Variants in YAP1 observed in about 807,000 individuals in gnomAD.
The protein encoded by YAP1 is transcriptional coactivator YAP1.
A neutral mutation model predicts 56.9 loss-of-function variants in YAP1; 5 were observed. That is an observed-to-expected ratio of 0.09 (90% confidence interval 0.05 to 0.18). YAP1 has a LOEUF of 0.18. Among genes scored for constraint, YAP1 ranks in the 10% least tolerant of loss-of-function variants. The pLI is 1.00. For missense variants in YAP1, 539 were observed against 651.8 expected (o/e 0.83, Z 1.88); for synonymous variants, 265 against 248.1 (o/e 1.07, Z -0.64).
At chr11:102,155,467 T>C (rs748604001) in intron 2 of YAP1, among the ~76,000 whole-genome samples, 5 of 152,222 alleles carry the variant, frequency 3.3e-5, no homozygotes, top group Non-Finnish European at 7.3e-5. Context: ...AGACATTCTG[T>C]AGTGTTACCA....
intron 2 of YAP1, among the ~76,000 whole-genome samples, chr11:102,136,986 G>T (rs992620431): frequency 1.3e-5 from 2 of 152,202 alleles, no homozygotes; most frequent in South Asian, 4.1e-4. Flanking sequence ...GAATTGGCTT[G>T]TAAAGTTCCG....
At position 102,121,812 on chromosome 11, in the gene YAP1, T is replaced by G. The variant is rs111434238; in HGVS notation, c.572+7418T>G. On this transcript the variant is annotated intron_variant, in intron 2 of 8. Coordinates refer to ENST00000282441, the MANE Select transcript of YAP1 (RefSeq NM_001130145.3). ...TATTTTTTTGTATTTGTTTGGTTTATTTTGAGACAGTCTTAACTCTGTCAC... is the reference window on the plus strand; with the variant it reads ...TATTTTTTTGTATTTGTTTGGTTTAGTTTGAGACAGTCTTAACTCTGTCAC... 3.0e-4 allele frequency among the ~76,000 whole-genome samples: 45 copies of G among 152,298 alleles called. 1 individual carries two copies. The highest frequency in any genetic ancestry group is 1.0e-3 in the African/African-American group (43 of 41,554).
chr11:102,183,180 A>G (rs953973751), intron 3 of YAP1, among the ~76,000 whole-genome samples: 5 of 152,228 alleles, frequency 3.3e-5, no homozygotes, highest in African/African-American at 7.2e-5. Flanking sequence ...AAGAAGTGAC[A>G]TCTGAGCTGT....
chr11:102,161,889 T>C (rs1380610910), intron 2 of YAP1, among the ~76,000 whole-genome samples: 21 of 152,214 alleles, frequency 1.4e-4, no homozygotes, highest in Admixed American at 1.4e-3. Flanking sequence ...TCAGCAAACA[T>C]CAAAGGGCTT....
chr11:102,145,217 G>A (rs1335134676), intron 2 of YAP1, among the ~76,000 whole-genome samples: 1 of 152,152 alleles, frequency 6.6e-6, no homozygotes, highest in African/African-American at 2.4e-5. Context: ...CTTTTCCTAA[G>A]AATAGAAGTG....
At chr11:102,229,579 G>A (rs1238643058) in intron 8 of YAP1, 123 bp from the exon 9 acceptor site, 5 of 778,180 alleles carry the variant, frequency 6.4e-6, no homozygotes, top group Non-Finnish European at 1.0e-5. Context: ...ATAAATTCTA[G>A]GTATCAGTTT....
chr11:102,149,977 C>CTTTT (rs386374692), intron 2 of YAP1, among the ~76,000 whole-genome samples: 12 of 50,336 alleles, frequency 2.4e-4, no homozygotes, highest in African/African-American at 8.2e-4. Context: ...GAGTAGTGTG[C>CTTTT]TTTTTTTTTT....
chr11:102,153,306 G>A (rs1235017436), intron 2 of YAP1, among the ~76,000 whole-genome samples: 3 of 152,264 alleles, frequency 2.0e-5, no homozygotes, highest in Admixed American at 1.3e-4. Flanking sequence ...AGATATGAGT[G>A]ATTCACAGAT....
intron 2 of YAP1, among the ~76,000 whole-genome samples, chr11:102,134,027 A>G (rs1479676945): frequency 6.6e-6 from 1 of 152,158 alleles, no homozygotes; most frequent in Non-Finnish European, 1.5e-5. Flanking sequence ...CACTCTCATG[A>G]CCTGATCTAA....
chr11:102,126,116 C>T (rs1944022537), intron 2 of YAP1, among the ~76,000 whole-genome samples: 1 of 151,858 alleles, frequency 6.6e-6, no homozygotes, highest in South Asian at 2.1e-4. Context: ...TCGATTTCCT[C>T]CTTGGGCCAA....
intron 2 of YAP1, among the ~76,000 whole-genome samples, chr11:102,127,261 A>T (rs1214877461): frequency 3.3e-5 from 5 of 152,174 alleles, no homozygotes; most frequent in Non-Finnish European, 5.9e-5. Flanking sequence ...AGAGACTTTC[A>T]CGTCAGCCCC....
chr11:102,140,748 C>G (rs1268436198), intron 2 of YAP1, among the ~76,000 whole-genome samples: 1 of 151,868 alleles, frequency 6.6e-6, no homozygotes, highest in East Asian at 1.9e-4. Context: ...GAGGGTGAGG[C>G]AGGAGAATCA....
intron 4 of YAP1, among the ~76,000 whole-genome samples, chr11:102,196,318 T>C (rs1000992942): frequency 1.8e-4 from 27 of 152,278 alleles, no homozygotes; most frequent in Non-Finnish European, 2.9e-5. Context: ...ATAACCCAAA[T>C]GTCCATTAGT....
intron 2 of YAP1, among the ~76,000 whole-genome samples, chr11:102,153,216 A>G (rs907974758): frequency 1.3e-5 from 2 of 152,078 alleles, no homozygotes; most frequent in African/African-American, 4.8e-5. Context: ...CCCTTAAGCC[A>G]TTTTCATAGT....
chr11:102,226,846 A>G (rs1421218373), intron 7 of YAP1: 1 of 152,210 alleles, frequency 6.6e-6, no homozygotes. Context: ...ACACAGAAGC[A>G]AGGAGATCAA....
rs34332940 is a variant in YAP1, at chr11:102,160,018, AT to A, written c.573-2416del. Among the ~76,000 whole-genome samples the A allele has an allele frequency of 7.1e-3, 770 of 108,964 alleles. 4 individuals are homozygous for A. The highest frequency in any genetic ancestry group is 0.031 in the Middle Eastern group (5 of 160). 71.5% of individuals were successfully genotyped at this position (108,964 alleles called of 152,430 possible). On this transcript the variant is annotated intron_variant, in intron 2 of 8. Transcript: ENST00000282441. ...TGACAAAACCTGATTTACATAAAGGATTTTTTTTTTTTTTTTTTTTTTGAGC... is the reference window on the plus strand; with the variant it reads ...TGACAAAACCTGATTTACATAAAGGATTTTTTTTTTTTTTTTTTTTTGAGC...
At chr11:102,187,706 C>G (rs1357219899) in intron 4 of YAP1, among the ~76,000 whole-genome samples, 2 of 152,028 alleles carry the variant, frequency 1.3e-5, no homozygotes, top group African/African-American at 4.8e-5. Context: ...TCCTTTAAAA[C>G]AGTGAAATAA....
chr11:102,127,606 A>G (rs1333455622), intron 2 of YAP1, among the ~76,000 whole-genome samples: 1 of 152,212 alleles, frequency 6.6e-6, no homozygotes, highest in Non-Finnish European at 1.5e-5. Context: ...CTGCTAGGGC[A>G]GTGCAGAAGG....
rs181346082 is a variant in YAP1, at chr11:102,140,714, G to A, written c.573-21742G>A. 3.5e-4 allele frequency among the ~76,000 whole-genome samples: 54 copies of A among 152,118 alleles called. 1 individual carries two copies. The highest frequency in any genetic ancestry group is 5.4e-4 in the Non-Finnish European group (37 of 68,002). Reference sequence around the variant, plus strand: ...AAAAATTAGCCGGGCGTGGTTGTGCGCACCTGTAATCCTAGCTACTTGGGA... The same window carrying A: ...AAAAATTAGCCGGGCGTGGTTGTGCACACCTGTAATCCTAGCTACTTGGGA... On this transcript the variant is annotated intron_variant, in intron 2 of 8. Coordinates refer to ENST00000282441, the MANE Select transcript of YAP1 (RefSeq NM_001130145.3).
Sources: gnomAD v4.1 joint callset for allele counts (sites outside exome capture counted in the v4.1 genomes callset) on GRCh38, gnomAD v4.1.1 for gene constraint, MANE v1.5 for transcripts, NCBI Gene and HGNC (gene_info 2026-07-23, HGNC 2026-07-21) for gene names.